Variants in PIEZO2 observed in about 807,000 individuals in gnomAD.
PIEZO2 encodes piezo type mechanosensitive ion channel component 2.
Under a neutral mutation model 337.3 loss-of-function variants are expected in PIEZO2, and 172 were observed. The ratio of observed to expected loss-of-function variants is 0.51; its 90% CI spans 0.45 to 0.58. The LOEUF (loss-of-function observed/expected upper bound fraction) is 0.58, where lower values mean the gene tolerates loss of function less well. PIEZO2 is among the 20% of genes least tolerant of loss of function. PIEZO2 has a pLI of 0.00. For synonymous variants in PIEZO2, 1,251 were observed against 1,228.5 expected (o/e 1.02, Z -0.38); for missense variants, 3,028 against 3,391.3 (o/e 0.89, Z 2.66).
chr18:10,737,129 G>A (rs376617074), intron 33 of PIEZO2, among the ~76,000 whole-genome samples: 2 of 151,934 alleles, frequency 1.3e-5, no homozygotes, highest in South Asian at 2.1e-4. Flanking sequence ...GGAGGATTAG[G>A]CTTTGTCTGA....
In PIEZO2 at chr18:11,070,181, CTATGCAGCA is replaced by C. The variant is rs1291144142; in HGVS notation, c.65-3968_65-3960del. Among the ~76,000 whole-genome samples the C allele has an allele frequency of 3.9e-5, 6 of 152,164 alleles. No homozygotes were observed. The highest frequency in any genetic ancestry group is 7.4e-5 in the Non-Finnish European group (5 of 68,026). On this transcript the variant is annotated intron_variant, in intron 1 of 55. Transcript: ENST00000674853. This position sits in a 1 kb window ranked among gnomAD's most constrained non-coding sequence, Gnocchi z 4.3. ...AGCCTACTGCTCCTAGGCCAAAAAC[CTATGCAGCA>C]TATGTTACTGTGCTGAATACTATAG...
chr18:11,013,043 CA>C (rs999359705), intron 2 of PIEZO2, among the ~76,000 whole-genome samples: 8 of 150,750 alleles, frequency 5.3e-5, no homozygotes, highest in Non-Finnish European at 1.2e-4. Flanking sequence ...GACCCTGTCT[CA>C]AAAAAAAAGT....
chr18:10,840,761 A>G (rs76318500), intron 7 of PIEZO2, among the ~76,000 whole-genome samples: 8,842 of 152,296 alleles, frequency 0.058, 360 homozygotes, highest in Non-Finnish European at 0.084. Flanking sequence ...CTAGACTCAT[A>G]GCTGTCACTG....
Position 10,873,067 on chromosome 18 carries a change from A to G in PIEZO2, c.330-1652T>C, listed in dbSNP as rs183868386. Among the ~76,000 whole-genome samples the G allele has an allele frequency of 1.5e-3, 233 of 152,332 alleles. 1 individual carries two copies. The highest frequency in any genetic ancestry group is 4.7e-3 in the African/African-American group (195 of 41,586). ...TACATACACACATATATACATATTC[A>G]TATGCACTTTAAGTGATTACACACT... On this transcript the variant is annotated intron_variant, in intron 4 of 55. Coordinates refer to ENST00000674853, the MANE Select transcript of PIEZO2 (RefSeq NM_001378183.1).
chr18:10,808,485 A>G (rs1484246072), intron 7 of PIEZO2, among the ~76,000 whole-genome samples: 2 of 152,160 alleles, frequency 1.3e-5, no homozygotes, highest in East Asian at 3.8e-4. Flanking sequence ...CACTTGTAAA[A>G]TCTCTCAGGG....
At chr18:10,871,445 A>C (rs1486521423) in intron 4 of PIEZO2, 30 bp from the exon 5 acceptor site, 51 of 1,517,080 alleles carry the variant, frequency 3.4e-5, no homozygotes, top group Non-Finnish European at 4.3e-5. Context: ...GGAGGGGAAA[A>C]AAATTTAGTT....
At position 10,952,465 on chromosome 18, in the gene PIEZO2, T is replaced by G. The variant is rs2033338049; in HGVS notation, c.286+27070A>C. ...ACTAATTATTGTAAATATAATCATATAGTATGTAGCATTCTGATACTGTCT... is the reference window on the plus strand; with the variant it reads ...ACTAATTATTGTAAATATAATCATAGAGTATGTAGCATTCTGATACTGTCT... On this transcript the variant is annotated intron_variant, in intron 3 of 55. Coordinates refer to ENST00000674853, the MANE Select transcript of PIEZO2 (RefSeq NM_001378183.1). The surrounding 1 kb of genome is among the most constrained non-coding windows in gnomAD (Gnocchi z 4.1). Among the ~76,000 whole-genome samples, 1 of 152,160 alleles carries G rather than the reference T, an allele frequency of 6.6e-6. No homozygotes were observed. The highest frequency in any genetic ancestry group is 2.1e-4 in the South Asian group (1 of 4,834).
At chr18:10,825,779 G>A (rs1056312954) in intron 7 of PIEZO2, among the ~76,000 whole-genome samples, 1 of 151,854 alleles carries the variant, frequency 6.6e-6, no homozygotes, top group African/African-American at 2.4e-5. Flanking sequence ...TCGAACTCCC[G>A]ACCTCAGGTG....
chr18:10,955,266 G>A (rs1425327172), intron 3 of PIEZO2, among the ~76,000 whole-genome samples: 2 of 152,172 alleles, frequency 1.3e-5, no homozygotes, highest in African/African-American at 2.4e-5. Context: ...AAGGACTTTA[G>A]GAAGAGCAAT....
Position 10,702,117 on chromosome 18 carries a change from T to A in PIEZO2, c.6313A>T (p.Asn2105Tyr). 1.3e-6 allele frequency: 2 copies of A among 1,536,892 alleles called. No individual in the cohort carries two copies. The highest frequency in any genetic ancestry group is 1.7e-6 in the Non-Finnish European group (2 of 1,146,820). ...FQFGFFPWNK[N>Y]VEVNKDKPYH... ...GGTTTATCTTTGTTCACCTCCACAT[T>A]CTTATTCCAGGGAAAGAACCCAAAT... The change falls in exon 43 of 56, where the codon AAT becomes TAT. Residue 2105 changes from asparagine to tyrosine, a missense_variant. Around this residue, in one of 5 missense-constraint regions of PIEZO2, gnomAD observed 1,925 missense variants for 2,051.9 expected, o/e 0.94. Transcript: ENST00000674853.
In PIEZO2 at chr18:10,833,579, C is replaced by A. The variant is rs971469529; in HGVS notation, c.917+21774G>T. ...AGGATGAGAGATTGTACAGCCCAAA[C>A]TGCACCTGAACCACGCAAGCTGTGA... On this transcript the variant is annotated intron_variant, in intron 7 of 55. Transcript: ENST00000674853. The surrounding 1 kb of genome is among the most constrained non-coding windows in gnomAD (Gnocchi z 4.7). Among the ~76,000 whole-genome samples the A allele has an allele frequency of 2.6e-5, 4 of 152,212 alleles. No individual in the cohort carries two copies. The highest frequency in any genetic ancestry group is 9.7e-5 in the African/African-American group (4 of 41,448).
chr18:10,762,855 T>A, intron 22 of PIEZO2, 67 bp downstream of exon 22: 1 of 1,476,314 alleles, frequency 6.8e-7, no homozygotes, highest in Non-Finnish European at 9.0e-7. Context: ...GGGATGGGGG[T>A]TCCCCAAGTA....
chr18:10,733,443 T>A (rs978778004), intron 35 of PIEZO2, among the ~76,000 whole-genome samples: 4 of 136,846 alleles, frequency 2.9e-5, no homozygotes, highest in Non-Finnish European at 6.2e-5. Context: ...TTACCAAACT[T>A]CCCAATTTTT....
intron 33 of PIEZO2, 76 bp from the exon 34 acceptor site, chr18:10,736,786 C>T (rs2037014476): frequency 7.0e-7 from 1 of 1,437,114 alleles, no homozygotes; most frequent in Admixed American, 2.3e-5. Flanking sequence ...GAAATGTCCC[C>T]TAAAGATACA....
At chr18:10,744,081 A>T (rs1282748946) in intron 31 of PIEZO2, 61 bp downstream of exon 31, 1 of 1,215,366 alleles carries the variant, frequency 8.2e-7, no homozygotes, top group Non-Finnish European at 1.2e-6. Context: ...GTGGAGCACC[A>T]GCTGAATGTG....
At position 10,878,782 on chromosome 18, in the gene PIEZO2, G is replaced by GA. The variant is rs576742005; in HGVS notation, c.330-7368dup. On this transcript the variant is annotated intron_variant, in intron 4 of 55. Transcript: ENST00000674853. The surrounding 1 kb of genome is among the most constrained non-coding windows in gnomAD (Gnocchi z 4.3). ...AGACCATACAAAGCTTGGATGTTTTGAAAAAAAAAAAAAATCACATAACCA... is the reference window on the plus strand; with the variant it reads ...AGACCATACAAAGCTTGGATGTTTTGAAAAAAAAAAAAAAATCACATAACCA... Among the ~76,000 whole-genome samples, 19,755 of 139,236 alleles carry GA rather than the reference G, an allele frequency of 0.14. 2,535 individuals are homozygous for GA. Among genetic ancestry groups the GA allele is most frequent in the African/African-American group, 0.35 (13,688 of 38,738 alleles). The allele number at this position is 139,236 out of a possible 152,430, so 91.3% of individuals were successfully genotyped here. A position where few individuals can be genotyped will look rare whatever the true frequency, so the allele number is the denominator to read the frequency against.
chr18:10,779,819 C>T (rs1348447552), intron 18 of PIEZO2, among the ~76,000 whole-genome samples: 4 of 152,236 alleles, frequency 2.6e-5, no homozygotes, highest in Admixed American at 1.3e-4. Flanking sequence ...TATGCCCCTA[C>T]TCTAGCAAGG....
intron 3 of PIEZO2, among the ~76,000 whole-genome samples, chr18:10,922,409 G>A (rs1424462908): frequency 6.6e-6 from 1 of 152,100 alleles, no homozygotes; most frequent in Non-Finnish European, 1.5e-5. Context: ...AATGCAGGTG[G>A]GAGGTGAGAC....
intron 3 of PIEZO2, among the ~76,000 whole-genome samples, chr18:10,967,470 G>A (rs566762555): frequency 6.6e-6 from 1 of 152,124 alleles, no homozygotes; most frequent in Non-Finnish European, 1.5e-5. Flanking sequence ...GCACCAAGGG[G>A]TGGGATTGCT....
Sources: allele counts gnomAD v4.1 joint callset (sites outside exome capture counted in the v4.1 genomes callset), GRCh38; gene constraint gnomAD v4.1.1; regional missense constraint gnomAD v4.1.1; non-coding constraint Gnocchi (gnomAD v3.1); transcripts MANE v1.5; gene names NCBI Gene and HGNC (gene_info 2026-07-23, HGNC 2026-07-21).